Variants in IL15 observed in about 807,000 individuals in gnomAD.
IL15 encodes the protein interleukin-15.
A neutral mutation model predicts 19.6 loss-of-function variants in IL15; 11 were observed. The observed-to-expected ratio is 0.56, with a 90% confidence interval of 0.35 to 0.93. The LOEUF (loss-of-function observed/expected upper bound fraction) is 0.93. Ranked by LOEUF, IL15 falls within the 40% of genes least tolerant of loss-of-function variation. IL15 has a pLI of 0.01. For synonymous variants in IL15, 58 were observed against 59.6 expected (o/e 0.97, Z 0.12); for missense variants, 197 against 186.5 (o/e 1.06, Z -0.33).
intron 2 of IL15, chr4:141,704,581 C>A: frequency 2.6e-6 from 1 of 380,784 alleles, no homozygotes; most frequent in South Asian, 2.0e-5. Flanking sequence ...AAAGTATTCT[C>A]CCATCTTCAA....
At chr4:141,681,378 G>A (rs1728526799) in intron 2 of IL15, among the ~76,000 whole-genome samples, 1 of 151,478 alleles carries the variant, frequency 6.6e-6, no homozygotes, top group South Asian at 2.1e-4. Flanking sequence ...CTTTCTCAGT[G>A]TCCAAAGGGA....
At chr4:141,732,019 A>G (rs1238623831) in intron 7 of IL15, among the ~76,000 whole-genome samples, 1 of 152,180 alleles carries the variant, frequency 6.6e-6, no homozygotes, top group African/African-American at 2.4e-5. Context: ...GGAAACAAAC[A>G]TACTGGCTCT....
chr4:141,653,491 A>G (rs1727480180), intron 1 of IL15, among the ~76,000 whole-genome samples: 1 of 152,152 alleles, frequency 6.6e-6, no homozygotes, highest in African/African-American at 2.4e-5. Flanking sequence ...TTTCTAGTGT[A>G]TGTCCTTGCA....
chr4:141,729,800 T>C, intron 6 of IL15, 47 bp from the exon 7 acceptor site: 1 of 1,082,414 alleles, frequency 9.2e-7, no homozygotes, highest in Non-Finnish European at 1.4e-6. Context: ...AGTATGAAAA[T>C]TAATAATCAG....
intron 2 of IL15, chr4:141,716,733 T>C (rs772437056): frequency 2.6e-5 from 4 of 152,276 alleles, no homozygotes; most frequent in African/African-American, 4.8e-5. Context: ...CTCCAACCCA[T>C]GACAGCTGAA....
At chr4:141,663,165 A>T (rs1309734635) in intron 2 of IL15, among the ~76,000 whole-genome samples, 5 of 152,324 alleles carry the variant, frequency 3.3e-5, no homozygotes, top group Non-Finnish European at 7.3e-5. Flanking sequence ...ATTTCTATAG[A>T]TGCTGAATAT....
At chr4:141,666,904 G>T (rs770355074) in intron 2 of IL15, among the ~76,000 whole-genome samples, 7 of 152,128 alleles carry the variant, frequency 4.6e-5, no homozygotes, top group Non-Finnish European at 8.8e-5. Context: ...ATTCATATTA[G>T]GTCATACTCT....
At position 141,724,504 on chromosome 4, in the gene IL15, CAA is replaced by C. The variant is rs558270269; in HGVS notation, c.195+2497_195+2498del. On this transcript the variant is annotated intron_variant, in intron 5 of 7. Transcript: ENST00000320650. ...ATTAATGAAGTTGAAATCAAGAAAA[CAA>C]TAGAAAAAATTAATGAAACATAAAA... Among the ~76,000 whole-genome samples the C allele has an allele frequency of 5.5e-3, 827 of 151,470 alleles. 15 individuals carry two copies. The highest frequency in any genetic ancestry group is 0.019 in the African/African-American group (802 of 41,324).
At chr4:141,707,914 A>G (rs1384911784) in intron 2 of IL15, among the ~76,000 whole-genome samples, 5 of 152,200 alleles carry the variant, frequency 3.3e-5, no homozygotes, top group Admixed American at 3.3e-4. Flanking sequence ...TCAGTGAGGC[A>G]GGGCAGCCAC....
At chr4:141,643,288 C>G (rs1727114598) in intron 1 of IL15, among the ~76,000 whole-genome samples, 1 of 152,086 alleles carries the variant, frequency 6.6e-6, no homozygotes, top group Admixed American at 6.6e-5. Context: ...TTAAAAAAGA[C>G]TCATGTTTTT....
intron 2 of IL15, among the ~76,000 whole-genome samples, chr4:141,689,967 C>G (rs888254430): frequency 6.6e-6 from 1 of 152,220 alleles, no homozygotes; most frequent in African/African-American, 2.4e-5. Flanking sequence ...GTGGGAGGCT[C>G]AGGCATGGCA....
chr4:141,672,102 A>G (rs1213676193), intron 2 of IL15, among the ~76,000 whole-genome samples: 1 of 152,210 alleles, frequency 6.6e-6, no homozygotes, highest in East Asian at 1.9e-4. Flanking sequence ...GAGTCCTTCT[A>G]TATAGTTCAT....
intron 2 of IL15, among the ~76,000 whole-genome samples, chr4:141,676,785 A>G (rs1338030099): frequency 6.6e-6 from 1 of 152,184 alleles, no homozygotes; most frequent in African/African-American, 2.4e-5. Context: ...AAAAAAAAAA[A>G]AAAGATGGGG....
intron 1 of IL15, among the ~76,000 whole-genome samples, chr4:141,654,667 G>A (rs573723204): frequency 3.7e-4 from 56 of 152,270 alleles, no homozygotes; most frequent in Middle Eastern, 3.4e-3. Flanking sequence ...GGATAGATAA[G>A]CTCTAACTTT....
Position 141,684,566 on chromosome 4 carries a change from C to T in IL15, c.-100+28259C>T, listed in dbSNP as rs539088622. ...GCCTATCCACATGTATTTCCTTTGA[C>T]TTCCTTCAATACTTTTCATTCAGTG... is the stretch of plus-strand genomic sequence containing the variant. On this transcript the variant is annotated intron_variant, in intron 2 of 7. Transcript: ENST00000320650. 5.3e-5 allele frequency among the ~76,000 whole-genome samples: 8 copies of T among 152,270 alleles called. 1 individual carries two copies. The highest frequency in any genetic ancestry group is 1.9e-4 in the African/African-American group (8 of 41,556).
At chr4:141,642,570 G>C (rs926705557) in intron 1 of IL15, among the ~76,000 whole-genome samples, 1 of 152,158 alleles carries the variant, frequency 6.6e-6, no homozygotes, top group African/African-American at 2.4e-5. Context: ...GTTTCCCACT[G>C]GGGACTAGTG....
At chr4:141,655,418 A>T (rs1727555967) in intron 1 of IL15, among the ~76,000 whole-genome samples, 1 of 152,122 alleles carries the variant, frequency 6.6e-6, no homozygotes, top group South Asian at 2.1e-4. Context: ...GTATGGGTGT[A>T]AGATCAACTT....
chr4:141,732,882 T>G lies in IL15; in HGVS notation c.*34T>G. The G allele has an allele frequency of 2.5e-6, 4 of 1,594,320 alleles. No homozygotes were observed. The highest frequency in any genetic ancestry group is 3.4e-6 in the Non-Finnish European group (4 of 1,173,274). ...GATTCTTTTTAAAGTGTTTCTGTTA[T>G]TAACAAACATCACTCTGCTGCTTAG... is the stretch of plus-strand genomic sequence containing the variant. On this transcript the variant is annotated 3_prime_UTR_variant, in exon 8 of 8. Coordinates refer to ENST00000320650, the MANE Select transcript of IL15 (RefSeq NM_000585.5).
chr4:141,702,816 C>T (rs1729365263), intron 2 of IL15, among the ~76,000 whole-genome samples: 1 of 152,110 alleles, frequency 6.6e-6, no homozygotes, highest in Non-Finnish European at 1.5e-5. Flanking sequence ...CTGTAGAGCT[C>T]CCAAAAGTTT....
Sources: allele counts gnomAD v4.1 joint callset (sites outside exome capture counted in the v4.1 genomes callset), GRCh38; gene constraint gnomAD v4.1.1; transcripts MANE v1.5; gene names NCBI Gene and HGNC (gene_info 2026-07-23, HGNC 2026-07-21).